The following FUT8 variants were observed in gnomAD, a reference collection of about 807,000 sequenced individuals.
FUT8 encodes alpha-(1,6)-fucosyltransferase.
A neutral mutation model predicts 71.3 loss-of-function variants in FUT8; 29 were observed. The observed-to-expected ratio is 0.41, with a 90% CI of 0.30 to 0.55. The LOEUF is 0.55. FUT8 is among the 20% of genes least tolerant of loss of function. The probability of loss-of-function intolerance (pLI) is 0.34; values close to 1 mark genes in which losing one functional copy is unlikely to be tolerated. For missense variants in FUT8, 544 were observed against 702.1 expected, an observed-to-expected ratio of 0.77 and a Z score of 2.55; for synonymous variants, 254 against 239.3, an observed-to-expected ratio of 1.06 and a Z score of -0.57.
chr14:65,669,322 A>T lies in FUT8; in HGVS notation c.677A>T (p.His226Leu), dbSNP rs1362305648. 1.2e-6 allele frequency: 2 copies of T among 1,613,796 alleles called. No homozygotes were observed. Among genetic ancestry groups the T allele is most frequent in the African/African-American group, 1.3e-5 (1 of 74,896 alleles). ...KGCGYGCQLH[H>L]VVYCFMIAYG... The stretch of plus-strand genomic sequence containing the variant: ...TGTGGCTATGGCTGTCAGCTCCATC[A>T]TGTGGTCTACTGCTTCATGATTGCA... Residue 226 changes from histidine to leucine, a missense_variant, in exon 7 of 11, where the codon CAT (histidine) becomes CTT (leucine). His to Leu is a moderately conservative substitution (Grantham distance 99). Transcript: ENST00000673929. This position sits in a 1 kb window ranked among gnomAD's most constrained non-coding sequence, Gnocchi z 4.5.
chr14:65,740,174 A>G (rs1896425277), intron 10 of FUT8, among the ~76,000 whole-genome samples: 4 of 152,042 alleles, frequency 2.6e-5, no homozygotes, highest in African/African-American at 2.4e-5. Context: ...TTGTAAAATG[A>G]CATTGCCAAT....
intron 7 of FUT8, among the ~76,000 whole-genome samples, chr14:65,683,263 T>C (rs1036519848): frequency 3.3e-5 from 5 of 152,170 alleles, no homozygotes; most frequent in Non-Finnish European, 5.9e-5. Flanking sequence ...TCCGCCCGCC[T>C]GGGCCTCCTA....
intron 2 of FUT8, among the ~76,000 whole-genome samples, chr14:65,514,498 C>T (rs748001451): frequency 2.0e-5 from 3 of 152,172 alleles, no homozygotes; most frequent in Non-Finnish European, 4.4e-5. Flanking sequence ...AACCCTTGTT[C>T]CTGCTATGGC....
At chr14:65,567,283 C>T (rs930566105) in intron 3 of FUT8, among the ~76,000 whole-genome samples, 3 of 151,814 alleles carry the variant, frequency 2.0e-5, no homozygotes, top group Admixed American at 6.6e-5. Context: ...GATTAATTTC[C>T]GATTACCTGT....
the FUT8 span, among the ~76,000 whole-genome samples, chr14:65,387,074 T>G: frequency 6.6e-6 from 1 of 152,158 alleles, no homozygotes; most frequent in African/African-American, 2.4e-5. Context: ...ACTTCTGACC[T>G]AAGGTGATCC....
chr14:65,716,451 T>G (rs1426997174), intron 7 of FUT8, among the ~76,000 whole-genome samples: 1 of 150,950 alleles, frequency 6.6e-6, no homozygotes, highest in African/African-American at 2.5e-5. Flanking sequence ...TTTTCCTGCC[T>G]TCAAGCATCT....
intron 5 of FUT8, among the ~76,000 whole-genome samples, chr14:65,621,381 C>G (rs944826429): frequency 1.3e-5 from 2 of 151,704 alleles, no homozygotes; most frequent in Non-Finnish European, 1.5e-5. Context: ...TCCTGAGTAT[C>G]TGGAACTACA....
chr14:65,655,004 G>A (rs556488115), intron 6 of FUT8, among the ~76,000 whole-genome samples: 12 of 151,718 alleles, frequency 7.9e-5, no homozygotes, highest in East Asian at 3.9e-4. Context: ...CGCCCACCTC[G>A]GCCTCCCAAA....
rs577287057 is a variant in FUT8, at chr14:65,551,907, ATGTT to A, written c.-227-9426_-227-9423del. ...TGGTTGGATCTTACAAAGGTGCTAA[ATGTT>A]TGTGATAAAATAGCTTAGTTTCAGC... is the stretch of plus-strand genomic sequence containing the variant. On this transcript the variant is annotated intron_variant, in intron 2 of 10. Transcript: ENST00000673929. Among the ~76,000 whole-genome samples the A allele has an allele frequency of 6.3e-3, 964 of 152,278 alleles. 9 individuals are homozygous for A. The highest frequency in any genetic ancestry group is 0.022 in the African/African-American group (928 of 41,564).
At chr14:65,390,577 G>T in the FUT8 span, among the ~76,000 whole-genome samples, 5 of 151,458 alleles carry the variant, frequency 3.3e-5, no homozygotes, top group South Asian at 8.3e-4. Flanking sequence ...TTCTAAAAGG[G>T]TTATTATATT....
At chr14:65,604,238 C>T (rs920245871) in intron 3 of FUT8, among the ~76,000 whole-genome samples, 3 of 151,810 alleles carry the variant, frequency 2.0e-5, no homozygotes, top group African/African-American at 7.2e-5. Context: ...AAACTCTACC[C>T]TGGAACAAAT....
At chr14:65,458,496 C>G (rs2065926473) in intron 2 of FUT8, among the ~76,000 whole-genome samples, 1 of 152,026 alleles carries the variant, frequency 6.6e-6, no homozygotes, top group South Asian at 2.1e-4. Flanking sequence ...TAGCTTGAAA[C>G]CCTATTTGAA....
chr14:65,534,558 T>TC (rs1884167640), intron 2 of FUT8, among the ~76,000 whole-genome samples: 1 of 150,366 alleles, frequency 6.7e-6, no homozygotes, highest in Non-Finnish European at 1.5e-5. Context: ...TCTTTTTTTT[T>TC]TTTTTTTGGT....
intron 3 of FUT8, among the ~76,000 whole-genome samples, chr14:65,583,724 T>A (rs1263203237): frequency 6.6e-6 from 1 of 152,206 alleles, no homozygotes; most frequent in Non-Finnish European, 1.5e-5. Context: ...TTTTAATGAT[T>A]AATTAGAAAG....
chr14:65,405,468 T>C, the FUT8 span, among the ~76,000 whole-genome samples: 1 of 152,238 alleles, frequency 6.6e-6, no homozygotes, highest in Non-Finnish European at 1.5e-5. Context: ...GGTCATATTC[T>C]TAGTGGTATC....
chr14:65,653,237 T>C (rs1387330722), intron 6 of FUT8, among the ~76,000 whole-genome samples: 1 of 152,082 alleles, frequency 6.6e-6, no homozygotes, highest in East Asian at 1.9e-4. Context: ...TTTATTTATT[T>C]ATTAGTTTAT....
intron 2 of FUT8, among the ~76,000 whole-genome samples, chr14:65,494,633 T>C (rs1054831711): frequency 6.6e-6 from 1 of 152,118 alleles, no homozygotes; most frequent in African/African-American, 2.4e-5. Flanking sequence ...CTGGGATACA[T>C]GTGCAGAATG....
At chr14:65,508,885 T>C (rs1048318768) in intron 2 of FUT8, among the ~76,000 whole-genome samples, 2 of 152,142 alleles carry the variant, frequency 1.3e-5, no homozygotes, top group Non-Finnish European at 2.9e-5. Context: ...GGTTGTTTGT[T>C]TGTTGCTTGT....
Position 65,627,442 on chromosome 14 carries a change from T to C in FUT8, c.483-2050T>C, listed in dbSNP as rs1889956392. Among the ~76,000 whole-genome samples the C allele has an allele frequency of 5.3e-5, 8 of 152,220 alleles. No homozygotes were observed. The highest frequency in any genetic ancestry group is 5.2e-4 in the Admixed American group (8 of 15,286). ...AATGAAAGGAAGTAAAGTACACTTG[T>C]AAGAGGCCAAGCGGGCGACTTGAGA... On this transcript the variant is annotated intron_variant, in intron 5 of 10. Coordinates refer to ENST00000673929, the MANE Select transcript of FUT8 (RefSeq NM_001371533.1). This position sits in a 1 kb window ranked among gnomAD's most constrained non-coding sequence, Gnocchi z 4.0.
Sources: gnomAD v4.1 joint callset for allele counts (sites outside exome capture counted in the v4.1 genomes callset) on GRCh38, gnomAD v4.1.1 for gene constraint, Gnocchi (gnomAD v3.1) non-coding constraint, MANE v1.5 for transcripts, NCBI Gene and HGNC (gene_info 2026-07-23, HGNC 2026-07-21) for gene names.